COL22A1: variants seen among roughly 807,000 people sequenced by gnomAD.
The protein encoded by COL22A1 is collagen alpha-1(XXII) chain.
A neutral mutation model predicts 248.9 loss-of-function variants in COL22A1; 221 were observed. The observed-to-expected ratio is 0.89, with a 90% CI of 0.80 to 0.99. COL22A1 has a LOEUF of 0.99. COL22A1 is among the 50% of genes least tolerant of loss of function. COL22A1 has a pLI of 0.00. For missense variants in COL22A1, 2,240 were observed against 2,179.0 expected (o/e 1.03, Z -0.56); for synonymous variants, 891 against 793.4 (o/e 1.12, Z -2.07).
chr8:138,749,390 G>A (rs189108503), intron 22 of COL22A1, among the ~76,000 whole-genome samples: 35 of 152,304 alleles, frequency 2.3e-4, no homozygotes, highest in African/African-American at 6.0e-4. Context: ...TATATAAACA[G>A]TTCCACCCAT....
chr8:138,654,792 ATGC>A (rs1823079126), intron 45 of COL22A1, among the ~76,000 whole-genome samples: 1 of 152,190 alleles, frequency 6.6e-6, no homozygotes, highest in African/African-American at 2.4e-5. Flanking sequence ...AACTCCAGCC[ATGC>A]TGTGCCCTAT....
chr8:138,777,506 T>G (rs898503605), intron 15 of COL22A1, among the ~76,000 whole-genome samples: 5 of 152,158 alleles, frequency 3.3e-5, no homozygotes, highest in Non-Finnish European at 7.3e-5. Context: ...GTCCTAATGC[T>G]CTCCCTCCCC....
At chr8:138,912,669 G>A (rs1454150571) in intron 1 of COL22A1, among the ~76,000 whole-genome samples, 1 of 152,132 alleles carries the variant, frequency 6.6e-6, no homozygotes, top group Non-Finnish European at 1.5e-5. Context: ...CTTGAACCCG[G>A]GAGGCAGAGG....
At chr8:138,904,904 T>C (rs1814898860) in intron 1 of COL22A1, among the ~76,000 whole-genome samples, 1 of 152,168 alleles carries the variant, frequency 6.6e-6, no homozygotes, top group Non-Finnish European at 1.5e-5. Flanking sequence ...CCATGGACCA[T>C]GAGGCCCCAC....
chr8:138,886,898 C>T (rs935453043), intron 1 of COL22A1, among the ~76,000 whole-genome samples: 3 of 152,048 alleles, frequency 2.0e-5, no homozygotes, highest in Non-Finnish European at 4.4e-5. Flanking sequence ...TTTTTATATA[C>T]ATATATTTTT....
At chr8:138,766,093 C>A (rs1001501711) in intron 16 of COL22A1, among the ~76,000 whole-genome samples, 2 of 152,218 alleles carry the variant, frequency 1.3e-5, no homozygotes, top group African/African-American at 4.8e-5. Context: ...TGACATTTGG[C>A]ATAGATGTGG....
Position 138,894,982 on chromosome 8 carries a change from C to A in COL22A1, c.-72-11738G>T, listed in dbSNP as rs984341058. Among the ~76,000 whole-genome samples the A allele has an allele frequency of 2.6e-5, 4 of 151,452 alleles. No homozygotes were observed. In the East Asian group the frequency reaches 7.7e-4, roughly 29 times the overall value. On this transcript the variant is annotated intron_variant, in intron 1 of 64. Transcript: ENST00000303045. ...GTGGAGGCAAAAGGATTGCTTGAAC[C>A]CAGGAAATTGAAGCTGCAGTGAGCT...
At chr8:138,652,034 C>G (rs183140613) in intron 45 of COL22A1, among the ~76,000 whole-genome samples, 271 of 150,660 alleles carry the variant, frequency 1.8e-3, no homozygotes, top group Non-Finnish European at 2.8e-3. Context: ...AACTCACTGA[C>G]CCAGTTCTGG....
At chr8:138,737,233 C>T (rs1034595379) in intron 23 of COL22A1, among the ~76,000 whole-genome samples, 4 of 152,190 alleles carry the variant, frequency 2.6e-5, no homozygotes, top group Non-Finnish European at 5.9e-5. Flanking sequence ...CTGGGGTCCC[C>T]CTTCGCCTCC....
At chr8:138,840,244 G>A (rs1482024815) in intron 4 of COL22A1, among the ~76,000 whole-genome samples, 1 of 152,066 alleles carries the variant, frequency 6.6e-6, no homozygotes, top group African/African-American at 2.4e-5. Flanking sequence ...GGTTTTTCGG[G>A]GCTGGTTATA....
chr8:138,745,744 T>C (rs1366822748), intron 22 of COL22A1, among the ~76,000 whole-genome samples: 2 of 152,180 alleles, frequency 1.3e-5, no homozygotes, highest in African/African-American at 2.4e-5. Context: ...ATTTTTTTAT[T>C]GGAAAAGTGA....
intron 1 of COL22A1, among the ~76,000 whole-genome samples, chr8:138,883,985 G>A (rs571470992): frequency 2.0e-3 from 305 of 152,084 alleles, no homozygotes; most frequent in Non-Finnish European, 3.5e-3. Context: ...CTCTCACCTC[G>A]CCTCACTCCC....
At chr8:138,707,157 C>G (rs935508298) in intron 30 of COL22A1, among the ~76,000 whole-genome samples, 3 of 152,166 alleles carry the variant, frequency 2.0e-5, no homozygotes, top group Non-Finnish European at 4.4e-5. Context: ...AGCCTACCAA[C>G]CAAAAACAGT....
At chr8:138,614,703 G>A (rs1481772155) in intron 55 of COL22A1, among the ~76,000 whole-genome samples, 1 of 151,796 alleles carries the variant, frequency 6.6e-6, no homozygotes, top group Non-Finnish European at 1.5e-5. Context: ...CTGCCCTTCA[G>A]CTTCTGAGAA....
intron 21 of COL22A1, among the ~76,000 whole-genome samples, chr8:138,751,982 T>C (rs1832642604): frequency 1.3e-5 from 2 of 152,220 alleles, no homozygotes. Flanking sequence ...TCAATATCAA[T>C]TAACCAAGGA....
chr8:138,850,560 CTTTG>C (rs1821561492), intron 3 of COL22A1, among the ~76,000 whole-genome samples: 1 of 152,138 alleles, frequency 6.6e-6, no homozygotes, highest in South Asian at 2.1e-4. Flanking sequence ...ATGCAGTTGT[CTTTG>C]TTTGGAGACT....
chr8:138,822,699 C>T (rs1346277580), intron 6 of COL22A1, among the ~76,000 whole-genome samples: 1 of 152,150 alleles, frequency 6.6e-6, no homozygotes, highest in African/African-American at 2.4e-5. Context: ...GAGCTTGGCC[C>T]ATGGGAAGTC....
intron 41 of COL22A1, among the ~76,000 whole-genome samples, chr8:138,675,895 C>T (rs764903269): frequency 3.9e-5 from 6 of 152,140 alleles, no homozygotes; most frequent in Non-Finnish European, 2.9e-5. Flanking sequence ...TATTTTTAAA[C>T]TGCAGAGCCA....
At chr8:138,659,006 G>A (rs1823551033) in intron 44 of COL22A1, among the ~76,000 whole-genome samples, 2 of 151,986 alleles carry the variant, frequency 1.3e-5, no homozygotes, top group Non-Finnish European at 2.9e-5. Flanking sequence ...ATCTTTGCAG[G>A]GAGATGTCAA....
Sources: allele counts gnomAD v4.1 joint callset (sites outside exome capture counted in the v4.1 genomes callset), GRCh38; gene constraint gnomAD v4.1.1; transcripts MANE v1.5; gene names NCBI Gene and HGNC (gene_info 2026-07-23, HGNC 2026-07-21).